The following CDYL2 variants were observed in gnomAD, a reference collection of about 807,000 sequenced individuals.
CDYL2 encodes chromodomain Y like 2.
Under a neutral mutation model 49.4 loss-of-function variants are expected in CDYL2, and 23 were observed. That is an observed-to-expected ratio of 0.47 (90% CI 0.34 to 0.66). The LOEUF (loss-of-function observed/expected upper bound fraction) is 0.66, where lower values mean the gene tolerates loss of function less well. Among genes scored for constraint, CDYL2 ranks in the 30% least tolerant of loss-of-function variants. The pLI, the probability that CDYL2 is intolerant of heterozygous loss-of-function variation, is 0.01. For missense variants in CDYL2, 678 were observed against 656.4 expected (o/e 1.03, Z -0.36); for synonymous variants, 360 against 268.8 (o/e 1.34, Z -3.32).
At chr16:80,745,899 G>C (rs1402876490) in intron 1 of CDYL2, among the ~76,000 whole-genome samples, 2 of 152,112 alleles carry the variant, frequency 1.3e-5, no homozygotes, top group Non-Finnish European at 2.9e-5. Flanking sequence ...GACACCACTG[G>C]TTCACCCACA....
intron 1 of CDYL2, among the ~76,000 whole-genome samples, chr16:80,786,042 C>T (rs951168868): frequency 6.6e-6 from 1 of 152,174 alleles, no homozygotes. Context: ...CCATTCAGGA[C>T]ATAGGCTTTG....
chr16:80,693,137 C>T (rs557350593), intron 1 of CDYL2, among the ~76,000 whole-genome samples: 6 of 15,560 alleles, frequency 3.9e-4, no homozygotes, highest in South Asian at 1.6e-3. Flanking sequence ...GGGTGGATGG[C>T]GGGGTGGGGG....
intron 2 of CDYL2, among the ~76,000 whole-genome samples, chr16:80,646,523 G>A (rs1273424857): frequency 6.6e-6 from 1 of 152,212 alleles, no homozygotes; most frequent in East Asian, 1.9e-4. Flanking sequence ...GGGCGTGGTG[G>A]CTCACACCTG....
intron 2 of CDYL2, among the ~76,000 whole-genome samples, chr16:80,635,569 C>A (rs951131343): frequency 6.6e-6 from 1 of 152,114 alleles, no homozygotes; most frequent in Non-Finnish European, 1.5e-5. Context: ...AGAGAGGACA[C>A]AAACAAATGG....
At chr16:80,614,690 C>A (rs1381127528) in intron 4 of CDYL2, among the ~76,000 whole-genome samples, 3 of 151,942 alleles carry the variant, frequency 2.0e-5, no homozygotes, top group African/African-American at 7.2e-5. Context: ...ATGGTGAAAC[C>A]CCATCTCTAC....
At chr16:80,679,273 T>C (rs2316149) in intron 2 of CDYL2, among the ~76,000 whole-genome samples, 4,007 of 112,604 alleles carry the variant, frequency 0.036, 84 homozygotes, top group African/African-American at 0.072. Flanking sequence ...AATAAAAATA[T>C]ATAAATAAAT....
intron 1 of CDYL2, among the ~76,000 whole-genome samples, chr16:80,753,637 T>G (rs1477254268): frequency 6.6e-6 from 1 of 151,870 alleles, no homozygotes; most frequent in Non-Finnish European, 1.5e-5. Flanking sequence ...CAATTCCAGA[T>G]CCATCACCTC....
intron 1 of CDYL2, among the ~76,000 whole-genome samples, chr16:80,777,320 T>C (rs1359406881): frequency 6.6e-6 from 1 of 151,774 alleles, no homozygotes; most frequent in Non-Finnish European, 1.5e-5. Context: ...TATTATCTAG[T>C]TCATAATTAA....
chr16:80,753,767 G>A (rs923244267), intron 1 of CDYL2, among the ~76,000 whole-genome samples: 1 of 151,996 alleles, frequency 6.6e-6, no homozygotes, highest in Admixed American at 6.6e-5. Context: ...TGAACATAAA[G>A]GAAAAGACAG....
chr16:80,676,316 A>C (rs1442564587), intron 2 of CDYL2, among the ~76,000 whole-genome samples: 8 of 152,202 alleles, frequency 5.3e-5, no homozygotes, highest in Non-Finnish European at 1.0e-4. Flanking sequence ...TGAAAAGGTT[A>C]GTGAAAGTGT....
intron 4 of CDYL2, among the ~76,000 whole-genome samples, chr16:80,613,795 G>A (rs763233809): frequency 7.2e-5 from 11 of 152,160 alleles, no homozygotes; most frequent in Non-Finnish European, 1.3e-4. Context: ...TGCATCCTTC[G>A]TTACTTTCAG....
At chr16:80,660,973 G>T (rs924548747) in intron 2 of CDYL2, among the ~76,000 whole-genome samples, 16 of 152,136 alleles carry the variant, frequency 1.1e-4, no homozygotes, top group Non-Finnish European at 2.9e-5. Flanking sequence ...TGTCTGAGAG[G>T]GCAGGAAGTG....
intron 1 of CDYL2, among the ~76,000 whole-genome samples, chr16:80,716,866 G>T (rs775340650): frequency 1.3e-5 from 2 of 151,874 alleles, no homozygotes; most frequent in African/African-American, 4.8e-5. Flanking sequence ...TGTATGTATG[G>T]ATGGATGGAT....
In CDYL2 at chr16:80,662,859, C is replaced by A. The variant is rs137941301; in HGVS notation, c.616+21679G>T. The A allele has an allele frequency of 2.7e-3, 1,192 of 443,608 alleles. 12 individuals are homozygous for A. The highest frequency in any genetic ancestry group is 0.021 in the African/African-American group (1,049 of 49,514). 27.5% of individuals were successfully genotyped at this position (443,608 alleles called of 1,614,324 possible). A position where few individuals can be genotyped will look rare whatever the true frequency, so the allele number is the denominator to read the frequency against. On this transcript the variant is annotated intron_variant, in intron 2 of 6. Coordinates refer to ENST00000570137, the MANE Select transcript of CDYL2 (RefSeq NM_152342.4). ...ATTTTCTCAAATGTCTGGCTCCCTC[C>A]TCACCACCAGATGGATTCTTAAAGG...
chr16:80,651,615 G>T (rs1017069618), intron 2 of CDYL2, among the ~76,000 whole-genome samples: 3 of 152,144 alleles, frequency 2.0e-5, no homozygotes, highest in Admixed American at 6.5e-5. Context: ...CATTTAGGAG[G>T]GCACAGGATC....
chr16:80,762,514 T>C (rs1200751286), intron 1 of CDYL2, among the ~76,000 whole-genome samples: 1 of 152,134 alleles, frequency 6.6e-6, no homozygotes, highest in Admixed American at 6.5e-5. Flanking sequence ...TGGCATCAAG[T>C]CATTTCAGGC....
intron 1 of CDYL2, among the ~76,000 whole-genome samples, chr16:80,803,653 G>A (rs1170704387): frequency 9.0e-6 from 1 of 110,744 alleles, no homozygotes; most frequent in East Asian, 3.1e-4. Context: ...GCTCCGCTCC[G>A]ATCGCCCGCC....
At chr16:80,714,687 C>T (rs905123785) in intron 1 of CDYL2, among the ~76,000 whole-genome samples, 1 of 152,152 alleles carries the variant, frequency 6.6e-6, no homozygotes, top group Non-Finnish European at 1.5e-5. Context: ...CCCAGCATAC[C>T]TTACATCAAT....
intron 1 of CDYL2, among the ~76,000 whole-genome samples, chr16:80,779,467 A>G (rs1907194596): frequency 6.6e-6 from 1 of 152,132 alleles, no homozygotes; most frequent in Admixed American, 6.5e-5. Flanking sequence ...TGACAGTATT[A>G]TCAGAAGTCT....
Sources: allele counts gnomAD v4.1 joint callset (sites outside exome capture counted in the v4.1 genomes callset), GRCh38; gene constraint gnomAD v4.1.1; transcripts MANE v1.5; gene names NCBI Gene and HGNC (gene_info 2026-07-23, HGNC 2026-07-21).